Variants in RBM10 observed in about 807,000 individuals in gnomAD.
The protein encoded by RBM10 is RNA-binding protein 10.
A neutral mutation model predicts 84.9 loss-of-function variants in RBM10; 1 was observed. That is an observed-to-expected ratio of 0.01 (90% CI 0.00 to 0.06). RBM10 has a LOEUF of 0.06. RBM10 is among the 10% of genes least tolerant of loss of function. RBM10 has a pLI of 1.00. For synonymous variants in RBM10, 326 were observed against 344.5 expected, an observed-to-expected ratio of 0.95 and a Z score of 0.60; for missense variants, 438 against 839.0, an observed-to-expected ratio of 0.52 and a Z score of 5.90.
chrX:47,179,466 C>T lies in RBM10; in HGVS notation c.872C>T (p.Ser291Leu), dbSNP rs1556777933. The change falls in exon 9 of 24, where the codon TCG becomes TTG. Residue 291 changes from serine (S) to leucine (L), a missense_variant. Coordinates refer to ENST00000377604, the MANE Select transcript of RBM10 (RefSeq NM_005676.5). ...VLASQALSQG[S>L]EPSSENANDT... is the part of the protein sequence containing the mutation. Reference sequence around the variant, plus strand: ...GCCTCCCAAGCCCTGTCACAGGGCTCGGAGCCAAGCTCAGAGAACGCCAAT... The same window carrying T: ...GCCTCCCAAGCCCTGTCACAGGGCTTGGAGCCAAGCTCAGAGAACGCCAAT... 2.5e-6 allele frequency: 3 copies of T among 1,200,841 alleles called. No individual in the cohort carries two copies. Among genetic ancestry groups the T allele is most frequent in the Non-Finnish European group, 3.4e-6 (3 of 894,415 alleles).
At position 47,179,927 on chromosome X, in the gene RBM10, C is replaced by A. The variant is rs1556778140; in HGVS notation, c.949C>A (p.Leu317Met). Residue 317 changes from leucine (L) to methionine (M), a missense_variant, in exon 10 of 24, where the codon CTG (leucine) becomes ATG (methionine). This residue lies in a region of RBM10 where 33 missense variants were observed against 115.0 expected (regional missense o/e 0.29). Transcript: ENST00000377604. ...LNPHSTMDSI[L>M]GALAPYAVLS... ...CCCACACAGCACCATGGATTCCATC[C>A]TGGGGGCCCTGGCACCCTACGCGGT... 8.3e-7 allele frequency: 1 copy of A among 1,209,961 alleles called. No homozygotes were observed. Among genetic ancestry groups the A allele is most frequent in the Non-Finnish European group, 1.1e-6 (1 of 894,546 alleles).
At chrX:47,176,898 G>T (rs1556776544) in intron 7 of RBM10, among the ~76,000 whole-genome samples, 1 of 111,615 alleles carries the variant, frequency 9.0e-6, no homozygotes, top group Non-Finnish European at 1.9e-5. Context: ...TATATACGTG[G>T]ATGATGAATT....
intron 17 of RBM10, 33 bp downstream of exon 17, chrX:47,182,359 C>A (rs1279976392): frequency 1.7e-6 from 2 of 1,186,220 alleles, no homozygotes; most frequent in Non-Finnish European, 2.3e-6. Context: ...CACTGGCTGG[C>A]TGTGTGGTGT....
At chrX:47,180,360 A>G (rs782437304) in intron 11 of RBM10, 51 bp downstream of exon 11, 3 of 180,401 alleles carry the variant, frequency 1.7e-5, no homozygotes, top group African/African-American at 1.2e-4. Context: ...CCACCCTCCC[A>G]CTCCCCCCTA....
chrX:47,152,817 G>GT (rs1260041013), intron 2 of RBM10, among the ~76,000 whole-genome samples: 1 of 87,155 alleles, frequency 1.1e-5, no homozygotes, highest in South Asian at 6.3e-4. Context: ...ACACACACAC[G>GT]TTTTTTTTAA....
chrX:47,153,252 G>C (rs782694892), intron 2 of RBM10, among the ~76,000 whole-genome samples: 1 of 111,790 alleles, frequency 8.9e-6, no homozygotes, highest in South Asian at 3.7e-4. Context: ...CAATTATATA[G>C]TACTTTTATT....
chrX:47,181,709 A>C (rs1363702784), intron 14 of RBM10, 40 bp from the exon 15 acceptor site: 1 of 1,209,924 alleles, frequency 8.3e-7, no homozygotes, highest in Non-Finnish European at 1.1e-6. Flanking sequence ...TGGCATGGGC[A>C]GACACTGAGC....
chrX:47,178,168 G>A lies in RBM10; in HGVS notation c.664-935G>A, dbSNP rs782331566. Reference sequence around the variant, plus strand: ...TGACTACCCACGCCTCTCCTCCTCTGCTTAACCAGCCCCAGCTCAGCTTAA... The same window carrying A: ...TGACTACCCACGCCTCTCCTCCTCTACTTAACCAGCCCCAGCTCAGCTTAA... On this transcript the variant is annotated intron_variant, in intron 7 of 23. Coordinates refer to ENST00000377604, the MANE Select transcript of RBM10 (RefSeq NM_005676.5). Among the ~76,000 whole-genome samples the A allele has an allele frequency of 4.4e-4, 49 of 111,280 alleles. 1 individual carries two copies. Among genetic ancestry groups the A allele is most frequent in the Admixed American group, 4.1e-3 (43 of 10,479 alleles).
At chrX:47,166,259 T>C (rs1408945311) in intron 2 of RBM10, among the ~76,000 whole-genome samples, 3 of 109,936 alleles carry the variant, frequency 2.7e-5, no homozygotes, top group Non-Finnish European at 3.8e-5. Context: ...ATTTGAAAAT[T>C]AGCTGGATGT....
At chrX:47,151,177 T>C (rs1214211808) in intron 2 of RBM10, among the ~76,000 whole-genome samples, 2 of 110,010 alleles carry the variant, frequency 1.8e-5, no homozygotes, top group African/African-American at 6.6e-5. Context: ...TAGCTAGGAC[T>C]ACAGGCACGC....
chrX:47,181,315 C>T lies in RBM10; in HGVS notation c.1349C>T (p.Thr450Ile), dbSNP rs2147185126. The change falls in exon 13 of 24, where the codon ACA becomes ATA. Residue 450 changes from threonine (T) to isoleucine (I), a missense_variant. Thr to Ile is a moderately conservative substitution (Grantham distance 89, BLOSUM62 -1). Around this residue, in one of 8 missense-constraint regions of RBM10, gnomAD observed 97 missense variants for 110.3 expected, o/e 0.88. Transcript: ENST00000377604. Reference protein sequence around the residue: ...QDEGYGNSQGTESSLYAHGYL... With the variant: ...QDEGYGNSQGIESSLYAHGYL... ...GAGGGCTATGGCAACAGCCAGGGCA[C>T]AGAGTCTTCCCTCTATGCCCATGGC... 1 of 1,191,782 alleles carries T rather than the reference C, an allele frequency of 8.4e-7. No homozygotes were observed. The highest frequency in any genetic ancestry group is 1.1e-6 in the Non-Finnish European group (1 of 884,993).
chrX:47,176,508 C>T lies in RBM10; in HGVS notation c.585C>T (p.Leu195=), dbSNP rs1935161135. Residue 195 remains leucine (L), a synonymous_variant, in exon 7 of 24, where the codon CTC becomes CTT. Transcript: ENST00000377604. The part of the protein sequence containing the change: ...TRWMEANQHS[L]NILGQKVSMH... ...TCTGCTTTTTCCCGCAGCACTCCCT[C>T]AACATCCTGGGCCAGAAGGTGTCGA... 4 of 1,209,481 alleles carry T rather than the reference C, an allele frequency of 3.3e-6. No homozygotes were observed. Among genetic ancestry groups the T allele is most frequent in the Non-Finnish European group, 4.5e-6 (4 of 895,176 alleles).
In RBM10 at chrX:47,185,427, C is replaced by A. The variant is rs2147215047; in HGVS notation, c.2167-15C>A. On this transcript the variant is annotated splice_polypyrimidine_tract_variant and intron_variant, in intron 19 of 23. Transcript: ENST00000377604. Reference sequence around the variant, plus strand: ...GATCTGGCCAGGCCTGACCGCCCACCCTCACCCTCTACAGAGCCCTCCGCG... The same window carrying A: ...GATCTGGCCAGGCCTGACCGCCCACACTCACCCTCTACAGAGCCCTCCGCG... 1 of 1,175,217 alleles carries A rather than the reference C, an allele frequency of 8.5e-7. No homozygotes were observed. Among genetic ancestry groups the A allele is most frequent in the Non-Finnish European group, 1.1e-6 (1 of 876,884 alleles).
At position 47,147,440 on chromosome X, in the gene RBM10, C is replaced by T. The variant is rs2147065243; in HGVS notation, c.-42C>T. The stretch of plus-strand genomic sequence containing the variant: ...CTGGGAAGTGAAACGGAGCCAGCGG[C>T]TGAGGAGGGGCCCCAGCAGCCCCCG... On this transcript the variant is annotated 5_prime_UTR_variant, in exon 2 of 24. Coordinates refer to ENST00000377604, the MANE Select transcript of RBM10 (RefSeq NM_005676.5). 1 of 1,210,914 alleles carries T rather than the reference C, an allele frequency of 8.3e-7. No homozygotes were observed. The highest frequency in any genetic ancestry group is 2.2e-5 in the Admixed American group (1 of 45,997).
At chrX:47,147,533 A>T (rs2147066498) in intron 2 of RBM10, 35 bp downstream of exon 2, 1 of 1,205,596 alleles carries the variant, frequency 8.3e-7, no homozygotes, top group Non-Finnish European at 1.1e-6. Context: ...CAGACAGCCT[A>T]GGCTTGCGTC....
chrX:47,172,765 C>T (rs1934768035), intron 4 of RBM10, among the ~76,000 whole-genome samples: 1 of 112,379 alleles, frequency 8.9e-6, no homozygotes, highest in South Asian at 3.7e-4. Flanking sequence ...TCCCAGGTTT[C>T]CTTACTTCGT....
rs35919377 is a variant in RBM10 at position 47,163,859 on chromosome X, ATTTT to A, written c.18-5432_18-5429del. Reference sequence around the variant, plus strand: ...AGGCGCCTGCCACCACGCCTGGCTAATTTTTTTTTTTTTTTTTTTTTTTTTTTGA... The same window carrying A: ...AGGCGCCTGCCACCACGCCTGGCTAATTTTTTTTTTTTTTTTTTTTTTTGA... On this transcript the variant is annotated intron_variant, in intron 2 of 23. Coordinates refer to ENST00000377604, the MANE Select transcript of RBM10 (RefSeq NM_005676.5). Among the ~76,000 whole-genome samples, 7 of 40,106 alleles carry A rather than the reference ATTTT, an allele frequency of 1.7e-4. No homozygotes were observed. The South Asian group carries it at 5.2e-3, about 30-fold the overall frequency. The allele number at this position is 40,106 out of a possible 115,157, so 34.8% of individuals were successfully genotyped here. A position where few individuals can be genotyped will look rare whatever the true frequency, so the allele number is the denominator to read the frequency against.
intron 9 of RBM10, 69 bp from the exon 10 acceptor site, chrX:47,179,810 TG>T (rs1257984920): frequency 7.2e-6 from 8 of 1,113,702 alleles, no homozygotes; most frequent in Non-Finnish European, 9.7e-6. Flanking sequence ...AAGGGAGCAG[TG>T]GGGGCATTGA....
At chrX:47,172,162 G>C (rs1250606196) in intron 4 of RBM10, among the ~76,000 whole-genome samples, 1 of 112,206 alleles carries the variant, frequency 8.9e-6, no homozygotes, top group Non-Finnish European at 1.9e-5. Context: ...AGGAAACCAA[G>C]CCCTGAGTGG....
Sources: allele counts gnomAD v4.1 joint callset (sites outside exome capture counted in the v4.1 genomes callset), GRCh38; gene constraint gnomAD v4.1.1; regional missense constraint gnomAD v4.1.1; transcripts MANE v1.5; gene names NCBI Gene and HGNC (gene_info 2026-07-23, HGNC 2026-07-21).